Variants in MED13L observed in about 807,000 individuals in gnomAD.
The protein encoded by MED13L is mediator complex subunit 13L, also known as mediator of RNA polymerase II transcription subunit 13-like.
A neutral mutation model predicts 220.9 loss-of-function variants in MED13L; 7 were observed. That is an observed-to-expected ratio of 0.03 (90% confidence interval 0.02 to 0.06). The LOEUF is 0.06. MED13L is among the 10% of genes least tolerant of loss of function. The pLI is 1.00. For missense variants in MED13L, 1,965 were observed against 2,760.5 expected (o/e 0.71, Z 6.46); for synonymous variants, 1,011 against 1,015.2 (o/e 1.00, Z 0.08).
chr12:116,190,110 G>A (rs1881168838), intron 2 of MED13L, among the ~76,000 whole-genome samples: 1 of 152,080 alleles, frequency 6.6e-6, no homozygotes, highest in East Asian at 1.9e-4. Context: ...TGGCAAGAGT[G>A]GACATTCTTG....
In MED13L at chr12:116,008,468, G is replaced by C. The variant is rs776893565; in HGVS notation, c.1945C>G (p.Pro649Ala). The C allele has an allele frequency of 1.2e-6, 2 of 1,613,426 alleles. No homozygotes were observed. Among genetic ancestry groups the C allele is most frequent in the Admixed American group, 1.7e-5 (1 of 60,002 alleles). ...TCACATCTCTCACCCTGGAGCTCTG[G>C]AGGCCTGAACTCAGCATCATCACTG... ...PPSDDAEFRPPELQGERCDAK... is the reference protein window; with the variant it reads ...PPSDDAEFRPAELQGERCDAK... Residue 649 changes from proline to alanine, a missense_variant, in exon 10 of 31, where the codon CCA becomes GCA. Transcript: ENST00000281928.
chr12:116,211,840 T>A (rs1369974173), intron 2 of MED13L, among the ~76,000 whole-genome samples: 1 of 152,328 alleles, frequency 6.6e-6, no homozygotes, highest in East Asian at 1.9e-4. Flanking sequence ...CCATTCCATT[T>A]AACACTTTTG....
intron 14 of MED13L, among the ~76,000 whole-genome samples, chr12:116,001,778 A>G (rs1021911467): frequency 1.3e-5 from 2 of 152,252 alleles, no homozygotes; most frequent in Non-Finnish European, 2.9e-5. Context: ...ACTTTATCAT[A>G]AAATTTTGAA....
intron 4 of MED13L, among the ~76,000 whole-genome samples, chr12:116,024,361 A>T (rs1880241758): frequency 6.6e-6 from 1 of 152,222 alleles, no homozygotes; most frequent in African/African-American, 2.4e-5. Flanking sequence ...TGCCATAGAA[A>T]GGCTAACCAG....
chr12:116,054,208 AC>A (rs1868751176), intron 4 of MED13L, among the ~76,000 whole-genome samples: 4 of 148,206 alleles, frequency 2.7e-5, no homozygotes, highest in African/African-American at 4.9e-5. Context: ...ACACACACAC[AC>A]ACAAACACAC....
intron 30 of MED13L, 68 bp downstream of exon 30, chr12:115,963,339 T>G: frequency 9.2e-6 from 12 of 1,305,266 alleles, no homozygotes; most frequent in Non-Finnish European, 1.2e-5. Context: ...TTAAAACACC[T>G]TGGAAAGACA....
chr12:116,268,774 C>T (rs1031362657), intron 1 of MED13L, among the ~76,000 whole-genome samples: 2 of 152,160 alleles, frequency 1.3e-5, no homozygotes, highest in Non-Finnish European at 2.9e-5. Context: ...AACTTGTTTA[C>T]AATTACATAT....
intron 2 of MED13L, among the ~76,000 whole-genome samples, chr12:116,201,559 A>G (rs1268678659): frequency 6.6e-6 from 1 of 152,234 alleles, no homozygotes; most frequent in African/African-American, 2.4e-5. Context: ...TTATGTGCAC[A>G]GTCAGCAGCA....
chr12:116,271,794 A>G lies in MED13L; in HGVS notation c.72+5266T>C, dbSNP rs561655359. On this transcript the variant is annotated intron_variant, in intron 1 of 30. Coordinates refer to ENST00000281928, the MANE Select transcript of MED13L (RefSeq NM_015335.5). ...TTCTACGGTTGCAATGCACAGTTCA[A>G]TAACAGTAATACCTAATAGTCAACC... 2.0e-4 allele frequency among the ~76,000 whole-genome samples: 31 copies of G among 152,274 alleles called. 1 individual carries two copies. The Middle Eastern group carries it at 0.014, about 67-fold the overall frequency.
chr12:116,078,454 G>C (rs1870989380), intron 4 of MED13L, among the ~76,000 whole-genome samples: 1 of 152,118 alleles, frequency 6.6e-6, no homozygotes. Context: ...GGAAAGGCCT[G>C]AATTTAAATC....
intron 2 of MED13L, among the ~76,000 whole-genome samples, chr12:116,158,041 T>C (rs956358879): frequency 2.6e-5 from 4 of 151,980 alleles, no homozygotes; most frequent in South Asian, 2.1e-4. Flanking sequence ...AACAATTAAA[T>C]TGGATACTGA....
At chr12:116,258,587 G>C (rs1460647640) in intron 1 of MED13L, among the ~76,000 whole-genome samples, 1 of 152,026 alleles carries the variant, frequency 6.6e-6, no homozygotes, top group Non-Finnish European at 1.5e-5. Context: ...GACCAGCCTG[G>C]TCAACATGGT....
chr12:116,202,846 G>A (rs189885799), intron 2 of MED13L, among the ~76,000 whole-genome samples: 47 of 152,192 alleles, frequency 3.1e-4, no homozygotes, highest in Non-Finnish European at 5.0e-4. Context: ...TCTCACAAAA[G>A]GCTTAGGAGA....
intron 19 of MED13L, 114 bp downstream of exon 19, chr12:115,986,152 T>G (rs1040052988): frequency 4.4e-6 from 5 of 1,139,088 alleles, no homozygotes; most frequent in Non-Finnish European, 6.5e-6. Context: ...TCCACCTGTT[T>G]GCAAATTTTC....
In MED13L at chr12:116,261,475, C is replaced by A. The variant is rs184657769; in HGVS notation, c.72+15585G>T. 4.2e-4 allele frequency among the ~76,000 whole-genome samples: 52 copies of A among 123,642 alleles called. No homozygotes were observed. In the East Asian group the frequency reaches 6.6e-3, roughly 16 times the overall value. The allele number at this position is 123,642 out of a possible 152,430, so 81.1% of individuals were successfully genotyped here. On this transcript the variant is annotated intron_variant, in intron 1 of 30. Coordinates refer to ENST00000281928, the MANE Select transcript of MED13L (RefSeq NM_015335.5). ...TTGTGCCGCTGTACTCCAGCCTGGGCAACAGAAACTCAGTCTCAAAAAAAA... is the reference window on the plus strand; with the variant it reads ...TTGTGCCGCTGTACTCCAGCCTGGGAAACAGAAACTCAGTCTCAAAAAAAA...
At chr12:116,027,551 T>C (rs1350231359) in intron 4 of MED13L, among the ~76,000 whole-genome samples, 1 of 152,170 alleles carries the variant, frequency 6.6e-6, no homozygotes, top group Non-Finnish European at 1.5e-5. Context: ...GGATCATGTG[T>C]CACACAGAAA....
intron 2 of MED13L, among the ~76,000 whole-genome samples, chr12:116,229,795 G>C (rs1202458125): frequency 6.6e-6 from 1 of 152,068 alleles, no homozygotes; most frequent in Middle Eastern, 3.2e-3. Flanking sequence ...TACACATTAA[G>C]TCTAATATTT....
intron 1 of MED13L, among the ~76,000 whole-genome samples, chr12:116,270,145 A>AT (rs780982992): frequency 0.023 from 3,320 of 145,418 alleles, 60 homozygotes; most frequent in Middle Eastern, 0.058. Flanking sequence ...ACCACAGATA[A>AT]TTTTTTTTTT....
chr12:116,012,512 T>C (rs984783164), intron 9 of MED13L, among the ~76,000 whole-genome samples: 2 of 152,208 alleles, frequency 1.3e-5, no homozygotes, highest in African/African-American at 4.8e-5. Context: ...AATAAAGTCA[T>C]TTAAAGGGCT....
Sources: allele counts gnomAD v4.1 joint callset (sites outside exome capture counted in the v4.1 genomes callset), GRCh38; gene constraint gnomAD v4.1.1; transcripts MANE v1.5; gene names NCBI Gene and HGNC (gene_info 2026-07-23, HGNC 2026-07-21).